FBLN2: variants seen among roughly 807,000 people sequenced by gnomAD.
FBLN2 encodes the protein fibulin-2.
A neutral mutation model predicts 123.7 loss-of-function variants in FBLN2; 81 were observed. That is an observed-to-expected ratio of 0.65 (90% CI 0.55 to 0.79). The LOEUF is 0.79. FBLN2 is among the 30% of genes least tolerant of loss of function. The pLI is 0.00. For synonymous variants in FBLN2, 699 were observed against 701.4 expected (o/e 1.00, Z 0.05); for missense variants, 1,603 against 1,681.3 (o/e 0.95, Z 0.81).
chr3:13,636,487 C>T lies in FBLN2; in HGVS notation c.3257C>T (p.Ala1086Val), dbSNP rs1252116665. 3.7e-6 allele frequency: 6 copies of T among 1,613,614 alleles called. No homozygotes were observed. Among genetic ancestry groups the T allele is most frequent in the Non-Finnish European group, 5.1e-6 (6 of 1,179,740 alleles). The change falls in exon 17 of 18, where the codon GCT becomes GTT. Residue 1086 changes from alanine (A) to valine (V), a missense_variant. Physicochemically the swap from Ala to Val is moderately conservative, Grantham distance 64 (BLOSUM62 0). Transcript: ENST00000404922. ...CALGTHNCSE[A>V]ETCHNIQGSF... ...CTGGGTACCCACAACTGTTCCGAGG[C>T]TGAGACCTGCCACAACATCCAGGGT... is the stretch of plus-strand genomic sequence containing the variant.
intron 5 of FBLN2, 104 bp downstream of exon 5, chr3:13,614,268 C>T: frequency 1.8e-6 from 2 of 1,138,836 alleles, no homozygotes; most frequent in South Asian, 3.1e-5. Context: ...GCTTGAGACA[C>T]AAGTTCTGCT....
intron 1 of FBLN2, among the ~76,000 whole-genome samples, chr3:13,563,850 G>A (rs1392887599): frequency 1.3e-5 from 2 of 152,170 alleles, no homozygotes; most frequent in African/African-American, 4.8e-5. Flanking sequence ...TTCTGGAGGC[G>A]ACCCTGGGGC....
chr3:13,573,255 C>T (rs573229703), intron 2 of FBLN2, among the ~76,000 whole-genome samples: 5 of 152,240 alleles, frequency 3.3e-5, no homozygotes, highest in East Asian at 1.9e-4. Context: ...GTTCAATTCC[C>T]TCTGGCTAAG....
At chr3:13,573,595 G>A (rs1704034346) in intron 2 of FBLN2, among the ~76,000 whole-genome samples, 1 of 152,134 alleles carries the variant, frequency 6.6e-6, no homozygotes, top group Non-Finnish European at 1.5e-5. Context: ...CACATGCTGG[G>A]CACTCAGAAG....
chr3:13,613,020 C>A (rs1195896441), intron 4 of FBLN2, among the ~76,000 whole-genome samples: 3 of 152,178 alleles, frequency 2.0e-5, no homozygotes, highest in Non-Finnish European at 4.4e-5. Flanking sequence ...GACGGCTCCA[C>A]TGGAGCTAGA....
At chr3:13,598,069 C>T (rs903077352) in intron 2 of FBLN2, among the ~76,000 whole-genome samples, 8 of 152,184 alleles carry the variant, frequency 5.3e-5, no homozygotes, top group Non-Finnish European at 8.8e-5. Context: ...GGAGAATTCT[C>T]GAAAAGCCAG....
At chr3:13,569,179 G>A in intron 1 of FBLN2, 1 of 435,440 alleles carries the variant, frequency 2.3e-6, no homozygotes, top group Non-Finnish European at 3.0e-6. Flanking sequence ...GGTGGCATTT[G>A]AGTGGCTTGT....
rs1256708242 is a variant in FBLN2 at position 13,629,975 on chromosome 3, C to T, written c.2968+30C>T. On this transcript the variant is annotated intron_variant, in intron 14 of 17. Coordinates refer to ENST00000404922, the MANE Select transcript of FBLN2 (RefSeq NM_001004019.2). Reference sequence around the variant, plus strand: ...GCTGGCCCTCATCTCTGACCCTATGCCGCCTGGTATCTGTAGTGGGCAGAC... The same window carrying T: ...GCTGGCCCTCATCTCTGACCCTATGTCGCCTGGTATCTGTAGTGGGCAGAC... 6 of 1,606,916 alleles carry T rather than the reference C, an allele frequency of 3.7e-6. No individual in the cohort carries two copies. In the African/African-American group the frequency reaches 8.0e-5, roughly 21 times the overall value.
chr3:13,610,245 G>A (rs1423620446), intron 4 of FBLN2, among the ~76,000 whole-genome samples: 1 of 152,210 alleles, frequency 6.6e-6, no homozygotes, highest in Non-Finnish European at 1.5e-5. Context: ...GTGACAGGGG[G>A]CAGGTGGAGC....
chr3:13,558,581 C>G (rs1703520969), intron 1 of FBLN2, among the ~76,000 whole-genome samples: 1 of 152,052 alleles, frequency 6.6e-6, no homozygotes, highest in Non-Finnish European at 1.5e-5. Context: ...TCATCCCATC[C>G]TCTCTGCCAG....
At chr3:13,570,099 G>C (rs1462878183) in intron 1 of FBLN2, among the ~76,000 whole-genome samples, 2 of 152,164 alleles carry the variant, frequency 1.3e-5, no homozygotes, top group Non-Finnish European at 2.9e-5. Context: ...GTCAACACCT[G>C]TGGCGCCCAG....
intron 1 of FBLN2, chr3:13,566,454 C>G (rs1703750333): frequency 6.6e-6 from 1 of 152,394 alleles, no homozygotes; most frequent in African/African-American, 2.4e-5. Flanking sequence ...GCCATCTCCT[C>G]CATGCCCCCA....
intron 2 of FBLN2, among the ~76,000 whole-genome samples, chr3:13,583,119 T>A (rs116776496): frequency 0.037 from 5,683 of 152,372 alleles, 190 homozygotes; most frequent in South Asian, 0.15. Context: ...TCAGCCATAC[T>A]GCCTGGCTGC....
chr3:13,627,079 G>A (rs747724093), intron 10 of FBLN2, among the ~76,000 whole-genome samples: 15 of 152,048 alleles, frequency 9.9e-5, no homozygotes, highest in Admixed American at 1.3e-4. Flanking sequence ...CCTTGTGGTT[G>A]GGGCAGCGGG....
At chr3:13,629,719 T>C in intron 13 of FBLN2, 101 bp from the exon 14 acceptor site, 1 of 1,449,720 alleles carries the variant, frequency 6.9e-7, no homozygotes, top group South Asian at 1.4e-5. Context: ...TCTGGGTCCC[T>C]CTCCCACTTA....
At chr3:13,626,350 A>T (rs1472450284) in intron 9 of FBLN2, 95 bp from the exon 10 acceptor site, 19 of 1,320,482 alleles carry the variant, frequency 1.4e-5, no homozygotes, top group Non-Finnish European at 1.9e-5. Context: ...CAGGGCCTGG[A>T]GCTCTCTCCC....
intron 4 of FBLN2, among the ~76,000 whole-genome samples, chr3:13,611,974 C>G (rs1424165704): frequency 6.6e-6 from 1 of 152,152 alleles, no homozygotes; most frequent in African/African-American, 2.4e-5. Flanking sequence ...GACAGTGGCA[C>G]AGTTTCAGGA....
intron 4 of FBLN2, chr3:13,613,783 T>A: frequency 2.0e-6 from 1 of 510,512 alleles, no homozygotes; most frequent in Non-Finnish European, 3.4e-6. Flanking sequence ...ACTTGTTATC[T>A]GTTTCAAAAG....
chr3:13,597,940 G>T (rs1465752303), intron 2 of FBLN2, among the ~76,000 whole-genome samples: 1 of 152,246 alleles, frequency 6.6e-6, no homozygotes, highest in Non-Finnish European at 1.5e-5. Flanking sequence ...AGGCTGGGCT[G>T]TCAGAGTGGG....
Sources: gnomAD v4.1 joint callset for allele counts (sites outside exome capture counted in the v4.1 genomes callset) on GRCh38, gnomAD v4.1.1 for gene constraint, MANE v1.5 for transcripts, NCBI Gene and HGNC (gene_info 2026-07-23, HGNC 2026-07-21) for gene names.